Variants in SAMD5 observed in about 807,000 individuals in gnomAD.
SAMD5 encodes sterile alpha motif domain-containing protein 5.
A neutral mutation model predicts 11.3 loss-of-function variants in SAMD5; 13 were observed. The ratio of observed to expected loss-of-function variants is 1.15; its 90% CI spans 0.75 to 1.83. SAMD5 has a LOEUF of 1.83. Among genes scored for constraint, SAMD5 ranks in the 40% most tolerant of loss-of-function variants. The pLI is 0.00. For missense variants in SAMD5, 255 were observed against 239.1 expected, an observed-to-expected ratio of 1.07 and a Z score of -0.44; for synonymous variants, 129 against 111.3, an observed-to-expected ratio of 1.16 and a Z score of -1.00.
At chr6:147,832,490 C>A in the SAMD5 span, among the ~76,000 whole-genome samples, 1 of 152,176 alleles carries the variant, frequency 6.6e-6, no homozygotes, top group Non-Finnish European at 1.5e-5. Context: ...TGCAATCTGT[C>A]TAGTCTCCTG....
the SAMD5 span, among the ~76,000 whole-genome samples, chr6:147,892,046 C>A: frequency 6.6e-6 from 1 of 152,168 alleles, no homozygotes; most frequent in Non-Finnish European, 1.5e-5. Flanking sequence ...GCACGGCTAG[C>A]CTTAGGCCGA....
intron 1 of SAMD5, among the ~76,000 whole-genome samples, chr6:147,612,630 A>G (rs1204107565): frequency 1.7e-4 from 26 of 152,224 alleles, no homozygotes; most frequent in Non-Finnish European, 4.4e-5. Context: ...CCTGCTCTTG[A>G]ACTTTTTTTA....
the SAMD5 span, among the ~76,000 whole-genome samples, chr6:147,787,910 A>C: frequency 7.2e-5 from 11 of 152,210 alleles, no homozygotes; most frequent in Non-Finnish European, 2.9e-5. Context: ...GGCCATTTAA[A>C]GGTATCTTTT....
intron 1 of SAMD5, among the ~76,000 whole-genome samples, chr6:147,701,052 C>T (rs1235767229): frequency 1.3e-5 from 2 of 152,166 alleles, no homozygotes; most frequent in South Asian, 2.1e-4. Context: ...TAGTTCCTTC[C>T]TGTAAACTAC....
the SAMD5 span, among the ~76,000 whole-genome samples, chr6:147,855,562 T>A: frequency 6.6e-6 from 1 of 152,168 alleles, no homozygotes; most frequent in Non-Finnish European, 1.5e-5. Context: ...TAGAAGACTT[T>A]CAAGCATAAA....
At chr6:147,516,843 T>C (rs1345600634) in intron 1 of SAMD5, among the ~76,000 whole-genome samples, 1 of 152,178 alleles carries the variant, frequency 6.6e-6, no homozygotes, top group African/African-American at 2.4e-5. Flanking sequence ...CCAGTCAAAA[T>C]TAGCAGCTTT....
intron 1 of SAMD5, among the ~76,000 whole-genome samples, chr6:147,524,897 A>G (rs907323366): frequency 6.6e-6 from 1 of 152,170 alleles, no homozygotes; most frequent in African/African-American, 2.4e-5. Context: ...CCCTTAAGGT[A>G]GAGACTGTTT....
intron 1 of SAMD5, among the ~76,000 whole-genome samples, chr6:147,710,718 A>C (rs1038540294): frequency 6.6e-6 from 1 of 152,174 alleles, no homozygotes; most frequent in Non-Finnish European, 1.5e-5. Flanking sequence ...TTATTAATTA[A>C]ACTTTATCAT....
At chr6:147,916,620 T>C in the SAMD5 span, among the ~76,000 whole-genome samples, 1 of 152,068 alleles carries the variant, frequency 6.6e-6, no homozygotes, top group Admixed American at 6.5e-5. Context: ...GTTAGTTACA[T>C]ATGTATGCAG....
At chr6:147,846,688 C>T in the SAMD5 span, among the ~76,000 whole-genome samples, 2 of 152,148 alleles carry the variant, frequency 1.3e-5, no homozygotes, top group Non-Finnish European at 2.9e-5. Context: ...GGTGTGGTGG[C>T]ACACGCCTGT....
intron 1 of SAMD5, among the ~76,000 whole-genome samples, chr6:147,553,685 G>A (rs987220100): frequency 1.3e-5 from 2 of 152,102 alleles, no homozygotes; most frequent in South Asian, 2.1e-4. Context: ...TCCTATTTAC[G>A]TGTTTTCCTG....
At chr6:147,764,681 T>A in the SAMD5 span, among the ~76,000 whole-genome samples, 1 of 152,204 alleles carries the variant, frequency 6.6e-6, no homozygotes, top group Admixed American at 6.5e-5. Flanking sequence ...TCTTCAGTCC[T>A]CCCATCTGAG....
intron 1 of SAMD5, among the ~76,000 whole-genome samples, chr6:147,708,078 C>T (rs1791348524): frequency 6.6e-6 from 1 of 152,080 alleles, no homozygotes; most frequent in Non-Finnish European, 1.5e-5. Context: ...GATCTCCTTT[C>T]CCAAATTCAT....
intron 1 of SAMD5, among the ~76,000 whole-genome samples, chr6:147,671,755 G>T (rs1440686348): frequency 6.6e-6 from 1 of 151,846 alleles, no homozygotes; most frequent in South Asian, 2.1e-4. Context: ...AATGTCAATT[G>T]CTTATCTTTT....
chr6:147,729,690 A>G (rs760587651), intron 1 of SAMD5: 3 of 437,500 alleles, frequency 6.9e-6, no homozygotes, highest in Non-Finnish European at 1.4e-5. Flanking sequence ...AATGTGAGTA[A>G]AGATCTAAAG....
At chr6:147,578,509 A>G (rs1789250039) in intron 1 of SAMD5, among the ~76,000 whole-genome samples, 1 of 152,196 alleles carries the variant, frequency 6.6e-6, no homozygotes, top group South Asian at 2.1e-4. Flanking sequence ...ATATGTCTTT[A>G]TAATAAGGGA....
At chr6:147,859,987 C>T in the SAMD5 span, among the ~76,000 whole-genome samples, 2 of 152,162 alleles carry the variant, frequency 1.3e-5, no homozygotes, top group African/African-American at 4.8e-5. Context: ...TAACCTAGTA[C>T]ATTTAATGTA....
At chr6:147,583,818 A>AACACACACAC (rs3032052) in intron 1 of SAMD5, among the ~76,000 whole-genome samples, 21,412 of 149,300 alleles carry the variant, frequency 0.14, 1,581 homozygotes, top group Admixed American at 0.18. Flanking sequence ...GGAATTTTCA[A>AACACACACAC]ACACACACAC....
chr6:147,542,329 C>A (rs1788618979), intron 1 of SAMD5, among the ~76,000 whole-genome samples: 1 of 152,156 alleles, frequency 6.6e-6, no homozygotes, highest in Admixed American at 6.5e-5. Flanking sequence ...GACAAGCCCC[C>A]AAATTTGTAA....
Sources: gnomAD v4.1 joint callset for allele counts (sites outside exome capture counted in the v4.1 genomes callset) on GRCh38, gnomAD v4.1.1 for gene constraint, MANE v1.5 for transcripts, NCBI Gene and HGNC (gene_info 2026-07-23, HGNC 2026-07-21) for gene names.